Variants in PKHD1 observed in about 807,000 individuals in gnomAD.
PKHD1 encodes fibrocystin.
In PKHD1, 291 loss-of-function variants were observed where a neutral mutation model predicts 412.0. The observed-to-expected ratio is 0.71, with a 90% confidence interval of 0.64 to 0.78. The LOEUF (loss-of-function observed/expected upper bound fraction) is 0.78, where lower values mean the gene tolerates loss of function less well. Among genes scored for constraint, PKHD1 ranks in the 30% least tolerant of loss-of-function variants. The pLI is 0.00. For synonymous variants in PKHD1, 1,777 were observed against 1,821.5 expected, an observed-to-expected ratio of 0.98 and a Z score of 0.62; for missense variants, 4,825 against 4,950.7, an observed-to-expected ratio of 0.97 and a Z score of 0.76.
intron 60 of PKHD1, among the ~76,000 whole-genome samples, chr6:51,662,669 A>G (rs1773057655): frequency 1.3e-5 from 2 of 151,948 alleles, no homozygotes; most frequent in African/African-American, 4.8e-5. Flanking sequence ...AACAGCAACA[A>G]AATTGACTAA....
intron 35 of PKHD1, among the ~76,000 whole-genome samples, chr6:51,984,391 CTTGT>C (rs1387102976): frequency 6.6e-6 from 1 of 152,218 alleles, no homozygotes; most frequent in Non-Finnish European, 1.5e-5. Context: ...GGCATTCTGA[CTTGT>C]TTAAGAAGTA....
At chr6:51,870,751 G>C (rs909340586) in intron 46 of PKHD1, 112 bp from the exon 47 acceptor site, 6 of 817,156 alleles carry the variant, frequency 7.3e-6, no homozygotes, top group African/African-American at 1.7e-5. Context: ...TATTGACTAA[G>C]AGAAAATATT....
intron 15 of PKHD1, 129 bp downstream of exon 15, chr6:52,059,799 A>G: frequency 1.5e-6 from 1 of 680,662 alleles, no homozygotes; most frequent in South Asian, 1.6e-5. Context: ...TTCAACAATT[A>G]AAGTTCCTGA....
chr6:51,870,534 T>G lies in PKHD1; in HGVS notation c.7456A>C (p.Arg2486=), dbSNP rs775698607. The G allele has an allele frequency of 6.2e-7, 1 of 1,612,388 alleles. No individual in the cohort carries two copies. Among genetic ancestry groups the G allele is most frequent in the East Asian group, 2.2e-5 (1 of 44,860 alleles). ...CCTTGGGAACAGTCTGAACAGGTTC[T>G]AATGGCCACACAGTTGATGAGATCA... is the stretch of plus-strand genomic sequence containing the variant. ...NFDLINCVAI[R]TCSDCSQGQG... The change falls in exon 47 of 67, where the codon AGA becomes CGA. Residue 2486 remains arginine, a synonymous_variant. Coordinates refer to ENST00000371117, the MANE Select transcript of PKHD1 (RefSeq NM_138694.4).
intron 35 of PKHD1, among the ~76,000 whole-genome samples, chr6:51,988,341 A>G (rs1796459175): frequency 6.6e-6 from 1 of 152,210 alleles, no homozygotes; most frequent in South Asian, 2.1e-4. Flanking sequence ...TTTAAATATA[A>G]TATCTCAAAC....
intron 52 of PKHD1, among the ~76,000 whole-genome samples, chr6:51,809,578 T>C (rs1002716757): frequency 6.6e-6 from 1 of 152,102 alleles, no homozygotes; most frequent in African/African-American, 2.4e-5. Flanking sequence ...CAATTTTAAC[T>C]AGGCTTACTT....
chr6:52,016,600 C>T (rs1246548034), intron 34 of PKHD1, among the ~76,000 whole-genome samples: 1 of 143,468 alleles, frequency 7.0e-6, no homozygotes, highest in Non-Finnish European at 1.5e-5. Context: ...CATGCCATTG[C>T]ACTCCAGCCT....
At position 51,619,266 on chromosome 6, in the gene PKHD1, G is replaced by T. The variant is rs374589028; in HGVS notation, c.12040C>A (p.Gln4014Lys). The T allele has an allele frequency of 9.3e-6, 15 of 1,614,126 alleles. No individual in the cohort carries two copies. The highest frequency in any genetic ancestry group is 1.6e-4 in the Middle Eastern group (1 of 6,082). ...EQLLRYQLAG[Q>K]NQLLLLCPDF... ...GGGCATAGCAGCAGCAGCTGATTTT[G>T]GCCTGCCAGCTGGTATCTGAGCAAC... The change falls in exon 67 of 67, where the codon CAA becomes AAA. Residue 4014 changes from glutamine to lysine, a missense_variant. Gln to Lys is a moderately conservative substitution (Grantham distance 53, BLOSUM62 1). Coordinates refer to ENST00000371117, the MANE Select transcript of PKHD1 (RefSeq NM_138694.4).
intron 8 of PKHD1, among the ~76,000 whole-genome samples, chr6:52,071,516 C>A (rs1810610384): frequency 6.6e-6 from 1 of 151,880 alleles, no homozygotes; most frequent in African/African-American, 2.4e-5. Flanking sequence ...TTGTAATGGC[C>A]TCAAAGGAGG....
chr6:52,019,237 G>A lies in PKHD1; in HGVS notation c.5381-1608C>T, dbSNP rs117784576. Reference sequence around the variant, plus strand: ...TGGGTAATGCAACAGAGGTTATCAAGGGCCGTGGGCTTAGACCTGTGCTTC... The same window carrying A: ...TGGGTAATGCAACAGAGGTTATCAAAGGCCGTGGGCTTAGACCTGTGCTTC... On this transcript the variant is annotated intron_variant, in intron 33 of 66. Transcript: ENST00000371117. Among the ~76,000 whole-genome samples, 3 of 152,326 alleles carry A rather than the reference G, an allele frequency of 2.0e-5. No homozygotes were observed. In the East Asian group the frequency reaches 5.8e-4, roughly 29 times the overall value.
At chr6:51,981,327 C>CCTA (rs1795164113) in intron 35 of PKHD1, among the ~76,000 whole-genome samples, 1 of 25,342 alleles carries the variant, frequency 3.9e-5, no homozygotes, top group African/African-American at 1.1e-4. Flanking sequence ...CTCTCCCTCT[C>CCTA]CCTCTCCCTC....
intron 64 of PKHD1, among the ~76,000 whole-genome samples, chr6:51,634,276 T>A (rs1374456762): frequency 6.6e-6 from 1 of 152,184 alleles, no homozygotes; most frequent in East Asian, 1.9e-4. Context: ...CAGTCAGATC[T>A]TCAATCTCTT....
intron 13 of PKHD1, among the ~76,000 whole-genome samples, chr6:52,063,999 A>G (rs1809103811): frequency 6.6e-6 from 1 of 152,254 alleles, no homozygotes; most frequent in Non-Finnish European, 1.5e-5. Context: ...TATCTTGATT[A>G]CTTGTTTCAG....
intron 32 of PKHD1, 86 bp downstream of exon 32, chr6:52,024,488 G>T (rs1801842678): frequency 1.6e-6 from 2 of 1,251,122 alleles, no homozygotes; most frequent in African/African-American, 2.9e-5. Context: ...CAGGCAGATT[G>T]TGTTAATTTT....
intron 60 of PKHD1, among the ~76,000 whole-genome samples, chr6:51,722,639 C>T (rs925463460): frequency 6.6e-6 from 1 of 152,118 alleles, no homozygotes; most frequent in East Asian, 1.9e-4. Context: ...GTAACTATTA[C>T]CACATTGTAA....
chr6:51,975,679 A>G (rs1200972133), intron 35 of PKHD1: 2 of 151,398 alleles, frequency 1.3e-5, no homozygotes, highest in Non-Finnish European at 2.9e-5. Flanking sequence ...TGTTGCCTAT[A>G]GTCCCAGCTA....
chr6:51,640,873 T>C (rs1321547817), intron 63 of PKHD1, among the ~76,000 whole-genome samples: 2 of 152,204 alleles, frequency 1.3e-5, no homozygotes, highest in African/African-American at 4.8e-5. Context: ...ATTCACTTTT[T>C]ATGATAATAG....
chr6:52,069,038 G>A (rs1402769719), intron 11 of PKHD1, among the ~76,000 whole-genome samples: 1 of 151,982 alleles, frequency 6.6e-6, no homozygotes, highest in Non-Finnish European at 1.5e-5. Flanking sequence ...TTAGTATGAG[G>A]GTTTACTCAT....
At chr6:51,851,684 G>C (rs1200102854) in intron 49 of PKHD1, among the ~76,000 whole-genome samples, 2 of 152,168 alleles carry the variant, frequency 1.3e-5, no homozygotes, top group African/African-American at 4.8e-5. Flanking sequence ...AGATTTTCTA[G>C]TTTATTTGCA....
Sources: gnomAD v4.1 joint callset for allele counts (sites outside exome capture counted in the v4.1 genomes callset) on GRCh38, gnomAD v4.1.1 for gene constraint, MANE v1.5 for transcripts, NCBI Gene and HGNC (gene_info 2026-07-23, HGNC 2026-07-21) for gene names.